RNF152: variants seen among roughly 807,000 people sequenced by gnomAD.
RNF152 encodes the protein ring finger protein 152.
RNF152 carries 11 observed loss-of-function variants against 12.7 expected under a neutral mutation model. That is an observed-to-expected ratio of 0.86 (90% CI 0.54 to 1.43). The LOEUF (loss-of-function observed/expected upper bound fraction) is 1.43, where lower values mean the gene tolerates loss of function less well. RNF152 is among the 40% of genes most tolerant of loss of function. The pLI is 0.00. For synonymous variants in RNF152, 113 were observed against 120.3 expected, an observed-to-expected ratio of 0.94 and a Z score of 0.40; for missense variants, 255 against 274.8, an observed-to-expected ratio of 0.93 and a Z score of 0.51.
intron 1 of RNF152, among the ~76,000 whole-genome samples, chr18:61,853,032 T>G (rs752287616): frequency 1.3e-5 from 2 of 152,226 alleles, no homozygotes; most frequent in South Asian, 4.1e-4. Flanking sequence ...AGTGGTAACA[T>G]CTATGTAGCA....
chr18:61,854,912 G>C (rs2144702225), intron 1 of RNF152, among the ~76,000 whole-genome samples: 1 of 152,336 alleles, frequency 6.6e-6, no homozygotes, highest in African/African-American at 2.4e-5. Context: ...ATAGCAGCAA[G>C]TTACATGATT....
At chr18:61,835,683 C>A (rs139387092) in intron 1 of RNF152, among the ~76,000 whole-genome samples, 1 of 152,252 alleles carries the variant, frequency 6.6e-6, no homozygotes, top group African/African-American at 2.4e-5. Context: ...TTCAATTCAA[C>A]AACAGAACCA....
At position 61,812,064 on chromosome 18, in the gene RNF152, C is replaced by T. The variant is rs1908830749; in HGVS notation, c.*3788G>A. ...CTTTTGCCAACTGCATGTCACTAGC[C>T]CACAAACTCTCACCTTAGCCTCACT... On this transcript the variant is annotated 3_prime_UTR_variant, in exon 2 of 2. Coordinates refer to ENST00000312828, the MANE Select transcript of RNF152 (RefSeq NM_173557.3). 6.6e-6 allele frequency: 1 copy of T among 152,120 alleles called. No homozygotes were observed. Among genetic ancestry groups the T allele is most frequent in the South Asian group, 2.1e-4 (1 of 4,822 alleles). 9.4% of individuals were successfully genotyped at this position (152,120 alleles called of 1,614,324 possible). A position where few individuals can be genotyped will look rare whatever the true frequency, so the allele number is the denominator to read the frequency against.
chr18:61,860,042 A>G (rs1911395193), intron 1 of RNF152, among the ~76,000 whole-genome samples: 1 of 148,976 alleles, frequency 6.7e-6, no homozygotes, highest in African/African-American at 2.4e-5. Context: ...TTAATACAGA[A>G]AAGACTCAGA....
At position 61,812,587 on chromosome 18, in the gene RNF152, A is replaced by G. The variant is rs1424442059; in HGVS notation, c.*3265T>C. ...GCTTCTTAGTAGCATTCTTGGCTCTACTTAACATATTAAGCATTCTCTTCC... is the reference window on the plus strand; with the variant it reads ...GCTTCTTAGTAGCATTCTTGGCTCTGCTTAACATATTAAGCATTCTCTTCC... On this transcript the variant is annotated 3_prime_UTR_variant, in exon 2 of 2. Coordinates refer to ENST00000312828, the MANE Select transcript of RNF152 (RefSeq NM_173557.3). 6.6e-6 allele frequency: 1 copy of G among 152,206 alleles called. No homozygotes were observed. The highest frequency in any genetic ancestry group is 6.5e-5 in the Admixed American group (1 of 15,278). The allele number at this position is 152,206 out of a possible 1,614,324, so 9.4% of individuals were successfully genotyped here. A position where few individuals can be genotyped will look rare whatever the true frequency, so the allele number is the denominator to read the frequency against.
At chr18:61,893,168 T>C (rs1462625485), upstream of RNF152, 1 of 151,616 alleles carries the variant, frequency 6.6e-6, no homozygotes, top group Non-Finnish European at 1.5e-5. Flanking sequence ...GAGCGCCTAC[T>C]AGCAACAGTA....
At chr18:61,837,881 G>A (rs543794733) in intron 1 of RNF152, among the ~76,000 whole-genome samples, 26 of 152,328 alleles carry the variant, frequency 1.7e-4, no homozygotes, top group African/African-American at 5.1e-4. Flanking sequence ...TTCAGACTTT[G>A]CAGGGATAGC....
chr18:61,808,092 TC>T lies in RNF152; in HGVS notation c.*7759del, dbSNP rs1912777691. 2 of 152,076 alleles carry T rather than the reference TC, an allele frequency of 1.3e-5. No homozygotes were observed. The highest frequency in any genetic ancestry group is 2.9e-5 in the Non-Finnish European group (2 of 68,030). The allele number at this position is 152,076 out of a possible 1,614,324, so 9.4% of individuals were successfully genotyped here. A position where few individuals can be genotyped will look rare whatever the true frequency, so the allele number is the denominator to read the frequency against. On this transcript the variant is annotated 3_prime_UTR_variant, in exon 2 of 2. Transcript: ENST00000312828. ...TTTGAAATCATTTTATGAACTTTAA[TC>T]ATAGCAAATGTGTTTTTACGGTAGT...
intron 1 of RNF152, among the ~76,000 whole-genome samples, chr18:61,846,358 C>T (rs1301986095): frequency 6.6e-6 from 1 of 152,072 alleles, no homozygotes; most frequent in Non-Finnish European, 1.5e-5. Context: ...AAATAATAGG[C>T]CCCCTTCTCA....
At chr18:61,849,566 T>C (rs187097160) in intron 1 of RNF152, among the ~76,000 whole-genome samples, 3 of 152,300 alleles carry the variant, frequency 2.0e-5, no homozygotes, top group Admixed American at 6.5e-5. Flanking sequence ...TGTTCCAAAA[T>C]ATGCAGAAAG....
rs1188329297 is a variant in RNF152, at chr18:61,811,871, A to G, written c.*3981T>C. 2 of 152,210 alleles carry G rather than the reference A, an allele frequency of 1.3e-5. No homozygotes were observed. Among genetic ancestry groups the G allele is most frequent in the Non-Finnish European group, 2.9e-5 (2 of 68,028 alleles). 9.4% of individuals were successfully genotyped at this position (152,210 alleles called of 1,614,324 possible). A position where few individuals can be genotyped will look rare whatever the true frequency, so the allele number is the denominator to read the frequency against. ...ACTACTATTTTTGGACAATAGGTTA[A>G]CATGCAGCTAATGATCCCAGAAAAG... On this transcript the variant is annotated 3_prime_UTR_variant, in exon 2 of 2. Coordinates refer to ENST00000312828, the MANE Select transcript of RNF152 (RefSeq NM_173557.3).
intron 1 of RNF152, among the ~76,000 whole-genome samples, chr18:61,870,050 T>A (rs1430376671): frequency 2.6e-5 from 4 of 152,228 alleles, no homozygotes; most frequent in Admixed American, 2.0e-4. Flanking sequence ...ATATAACTTG[T>A]TATACCATAA....
At chr18:61,876,675 G>A (rs1055249488) in intron 1 of RNF152, among the ~76,000 whole-genome samples, 3 of 152,106 alleles carry the variant, frequency 2.0e-5, no homozygotes, top group East Asian at 3.9e-4. Flanking sequence ...GTGACCTCAG[G>A]AAAGTCATTT....
At chr18:61,831,182 G>A (rs76495131) in intron 1 of RNF152, among the ~76,000 whole-genome samples, 5,050 of 152,206 alleles carry the variant, frequency 0.033, 272 homozygotes, top group African/African-American at 0.11. Context: ...ACTTAGAAGC[G>A]GTTCTGTGCA....
Position 61,816,156 on chromosome 18 carries a change from GGCA to G in RNF152, c.305_307del (p.Leu102del). 1.9e-6 allele frequency: 3 copies of G among 1,614,210 alleles called. No individual in the cohort carries two copies. The East Asian group carries it at 6.7e-5, about 36-fold the overall frequency. ...CGCACGCTCCTTGGAGATGGGCAGG[GGCA>G]GCATGTAGCACCCATTGCTGGGAAG... is the stretch of plus-strand genomic sequence containing the variant. On this transcript the variant is annotated inframe_deletion, in exon 2 of 2. Transcript: ENST00000312828.
intron 1 of RNF152, among the ~76,000 whole-genome samples, chr18:61,844,267 G>A (rs976629338): frequency 6.6e-6 from 1 of 151,946 alleles, no homozygotes; most frequent in Non-Finnish European, 1.5e-5. Flanking sequence ...ATAGTATCTA[G>A]GAATCTAAAA....
intron 1 of RNF152, among the ~76,000 whole-genome samples, chr18:61,889,634 G>A (rs1224644699): frequency 1.3e-5 from 2 of 152,158 alleles, no homozygotes; most frequent in Non-Finnish European, 2.9e-5. Context: ...CTAGTCCTGT[G>A]ACCAGAAAAA....
In RNF152 at chr18:61,808,984, G is replaced by C. The variant is rs1289730236; in HGVS notation, c.*6868C>G. 6.6e-6 allele frequency: 1 copy of C among 152,238 alleles called. No individual in the cohort carries two copies. The highest frequency in any genetic ancestry group is 6.5e-5 in the Admixed American group (1 of 15,274). The allele number at this position is 152,238 out of a possible 1,614,324, so 9.4% of individuals were successfully genotyped here. The stretch of plus-strand genomic sequence containing the variant: ...CACATGTCTTCAACTGAAGCATCCT[G>C]AATTGAACTTGGTAGTCCGTACTGG... On this transcript the variant is annotated 3_prime_UTR_variant, in exon 2 of 2. Coordinates refer to ENST00000312828, the MANE Select transcript of RNF152 (RefSeq NM_173557.3).
In RNF152 at chr18:61,820,143, T is replaced by G. The variant is rs972710746; in HGVS notation, c.-135-3545A>C. 3.4e-5 allele frequency among the ~76,000 whole-genome samples: 5 copies of G among 148,044 alleles called. No individual in the cohort carries two copies. The South Asian group carries it at 1.1e-3, about 32-fold the overall frequency. On this transcript the variant is annotated intron_variant, in intron 1 of 1. Transcript: ENST00000312828. ...AGGAGATCGAGACCATCCTGGCTAA[T>G]ATGGTGAAACCCCGTCTCTACTAAA...
Sources: allele counts gnomAD v4.1 joint callset (sites outside exome capture counted in the v4.1 genomes callset), GRCh38; gene constraint gnomAD v4.1.1; transcripts MANE v1.5; gene names NCBI Gene and HGNC (gene_info 2026-07-23, HGNC 2026-07-21).